The following ZNHIT6 variants were observed in gnomAD, a reference collection of about 807,000 sequenced individuals.
ZNHIT6 encodes the protein zinc finger HIT-type containing 6.
Under a neutral mutation model 57.2 loss-of-function variants are expected in ZNHIT6, and 45 were observed. That is an observed-to-expected ratio of 0.79 (90% confidence interval 0.62 to 1.01). The LOEUF is 1.01. Ranked by LOEUF, ZNHIT6 falls within the 50% of genes least tolerant of loss-of-function variation. ZNHIT6 has a pLI of 0.00. For missense variants in ZNHIT6, 528 were observed against 567.3 expected, an observed-to-expected ratio of 0.93 and a Z score of 0.70; for synonymous variants, 188 against 190.0, an observed-to-expected ratio of 0.99 and a Z score of 0.09.
At chr1:85,679,563 G>GTTTTTTTTTTTTTTTTTTTTTTTTTTTT (rs35523771) in intron 6 of ZNHIT6, among the ~76,000 whole-genome samples, 1 of 135,274 alleles carries the variant, frequency 7.4e-6, no homozygotes, top group Non-Finnish European at 1.5e-5. Context: ...ACATTAAAAT[G>GTTTTTTTTTTTTTTTTTTTTTTTTTTTT]TTTTTTTTTT....
rs542566139 is a variant in ZNHIT6, at chr1:85,675,092, A to T, written c.1247+2144T>A. On this transcript the variant is annotated intron_variant, in intron 8 of 9. Transcript: ENST00000370574. ...GCTGCAGTAATGCCCGTAAGATGTT[A>T]TGTCCCCAAAGGGAGCAGTTAAGGA... Among the ~76,000 whole-genome samples, 7 of 152,304 alleles carry T rather than the reference A, an allele frequency of 4.6e-5. No homozygotes were observed. In the East Asian group the frequency reaches 1.4e-3, roughly 29 times the overall value.
chr1:85,680,895 CTG>C lies in ZNHIT6; in HGVS notation c.1027_1028del (p.Gln343ValfsTer15). ...ACTGGAGCTTCACATGCCAACAAAACTGTTGTTTTCTAAGAGAGAAAATAATC... is the reference window on the plus strand; with the variant it reads ...ACTGGAGCTTCACATGCCAACAAAACTTGTTTTCTAAGAGAGAAAATAATC... ...NSTFFDKKKQ[Q>X]FCWHVKLQFP... On this transcript the variant is annotated frameshift_variant, in exon 6 of 10. Transcript: ENST00000370574. LOFTEE classifies it high-confidence loss of function. 6.2e-7 allele frequency: 1 copy of C among 1,611,778 alleles called. No individual in the cohort carries two copies. The highest frequency in any genetic ancestry group is 8.5e-7 in the Non-Finnish European group (1 of 1,178,900).
At chr1:85,699,443 C>G (rs1764295) in intron 5 of ZNHIT6, among the ~76,000 whole-genome samples, 137,752 of 152,106 alleles carry the variant, frequency 0.91, 63,015 homozygotes, top group Non-Finnish European at 0.97. Context: ...TAAATCAGTG[C>G]TTTTCAAATG....
At chr1:85,665,722 A>C (rs913182101) in intron 8 of ZNHIT6, among the ~76,000 whole-genome samples, 2 of 152,204 alleles carry the variant, frequency 1.3e-5, no homozygotes, top group African/African-American at 4.8e-5. Context: ...GCTAAAACTG[A>C]ATGCAAGTGT....
intron 4 of ZNHIT6, among the ~76,000 whole-genome samples, chr1:85,702,817 T>C (rs987672710): frequency 1.3e-5 from 2 of 152,184 alleles, no homozygotes; most frequent in Non-Finnish European, 2.9e-5. Context: ...GGCTCTGACA[T>C]GTGTTATTAC....
intron 8 of ZNHIT6, among the ~76,000 whole-genome samples, chr1:85,669,060 A>T (rs1478459888): frequency 6.6e-6 from 1 of 152,190 alleles, no homozygotes; most frequent in Non-Finnish European, 1.5e-5. Context: ...AGTGGTTTGG[A>T]AATCAACATT....
At chr1:85,663,572 G>A (rs1330071434) in intron 8 of ZNHIT6, among the ~76,000 whole-genome samples, 1 of 152,176 alleles carries the variant, frequency 6.6e-6, no homozygotes, top group Non-Finnish European at 1.5e-5. Context: ...GGTAATGGAA[G>A]TTCATAGAAA....
chr1:85,707,695 G>A lies in ZNHIT6; in HGVS notation c.590C>T (p.Thr197Ile), dbSNP rs981938176. 6 of 1,604,368 alleles carry A rather than the reference G, an allele frequency of 3.7e-6. No homozygotes were observed. Among genetic ancestry groups the A allele is most frequent in the Non-Finnish European group, 4.3e-6 (5 of 1,175,944 alleles). ...TATCGGAGGCTCTTCTTTCACCTTT[G>A]TATCATCCACGATTTCTTTCTTCAG... ...DFLKKEIVDD[T>I]KVKEEPPINH... Residue 197 changes from threonine to isoleucine, a missense_variant, in exon 1 of 10, where the codon ACA becomes ATA. Physicochemically the swap from Thr to Ile is moderately conservative, Grantham distance 89. Coordinates refer to ENST00000370574, the MANE Select transcript of ZNHIT6 (RefSeq NM_017953.4).
At chr1:85,702,621 G>A (rs1662569480) in intron 4 of ZNHIT6, among the ~76,000 whole-genome samples, 1 of 152,112 alleles carries the variant, frequency 6.6e-6, no homozygotes, top group Non-Finnish European at 1.5e-5. Context: ...TGGCAATCAC[G>A]GGGGCTACCT....
At position 85,706,094 on chromosome 1, in the gene ZNHIT6, G is replaced by C. The variant is rs762781538; in HGVS notation, c.899C>G (p.Pro300Arg). 8 of 1,612,446 alleles carry C rather than the reference G, an allele frequency of 5.0e-6. No homozygotes were observed. In the East Asian group the frequency reaches 1.8e-4, roughly 36 times the overall value. The change falls in exon 4 of 10, where the codon CCA becomes CGA. Residue 300 changes from proline to arginine, a missense_variant. Transcript: ENST00000370574. ...AAATCTTACATATTTATTGCTTATT[G>C]GTCTCTTCAAAAAAGCATCTCTAGA... ...HISRDAFLKR[P>R]ISNKYMYFMK...
chr1:85,680,880 C>T lies in ZNHIT6; in HGVS notation c.1044G>A (p.Val348=), dbSNP rs1484049145. The change falls in exon 6 of 10, where the codon GTG becomes GTA. Residue 348 remains valine, a synonymous_variant. Coordinates refer to ENST00000370574, the MANE Select transcript of ZNHIT6 (RefSeq NM_017953.4). ...CTTGACTTTGAGGAAACTGGAGCTT[C>T]ACATGCCAACAAAACTGTTGTTTTC... ...DKKKQQFCWH[V]KLQFPQSQAE... is the part of the protein sequence containing the mutation. The T allele has an allele frequency of 4.3e-6, 7 of 1,612,426 alleles. No homozygotes were observed. The highest frequency in any genetic ancestry group is 5.9e-6 in the Non-Finnish European group (7 of 1,179,332).
chr1:85,679,758 T>C (rs1661817182), intron 6 of ZNHIT6, among the ~76,000 whole-genome samples: 1 of 152,040 alleles, frequency 6.6e-6, no homozygotes, highest in Non-Finnish European at 1.5e-5. Flanking sequence ...CTAATTTTTG[T>C]ATTTTTAGTA....
At chr1:85,672,754 G>T (rs548039159) in intron 8 of ZNHIT6, among the ~76,000 whole-genome samples, 66 of 138,880 alleles carry the variant, frequency 4.8e-4, no homozygotes, top group African/African-American at 1.5e-3. Flanking sequence ...GGTTTTTTTT[G>T]AATAAATTTG....
intron 8 of ZNHIT6, among the ~76,000 whole-genome samples, chr1:85,664,088 T>C (rs1050775035): frequency 7.2e-5 from 11 of 152,214 alleles, no homozygotes; most frequent in African/African-American, 2.7e-4. Flanking sequence ...AATTTGACTG[T>C]TAACCTATCT....
At chr1:85,676,330 C>T (rs1241455102) in intron 8 of ZNHIT6, among the ~76,000 whole-genome samples, 8 of 147,410 alleles carry the variant, frequency 5.4e-5, no homozygotes, top group African/African-American at 2.0e-4. Flanking sequence ...GAGTGAAACT[C>T]CGTCTCAAAA....
chr1:85,694,775 T>C (rs1196117160), intron 5 of ZNHIT6, among the ~76,000 whole-genome samples: 1 of 152,110 alleles, frequency 6.6e-6, no homozygotes, highest in East Asian at 1.9e-4. Flanking sequence ...TTTTTCATAA[T>C]AAAATATGGG....
chr1:85,683,312 A>T (rs1430331673), intron 5 of ZNHIT6, among the ~76,000 whole-genome samples: 1 of 152,170 alleles, frequency 6.6e-6, no homozygotes. Flanking sequence ...AGGTCAGGAG[A>T]TCGAGACCAT....
chr1:85,702,656 G>A (rs1039412320), intron 4 of ZNHIT6, among the ~76,000 whole-genome samples: 3 of 152,098 alleles, frequency 2.0e-5, no homozygotes, highest in African/African-American at 4.8e-5. Context: ...TTCTTTTACC[G>A]ATGGTTTTAC....
intron 5 of ZNHIT6, among the ~76,000 whole-genome samples, chr1:85,685,377 T>C (rs963928173): frequency 9.9e-5 from 15 of 152,176 alleles, no homozygotes; most frequent in African/African-American, 3.6e-4. Flanking sequence ...GAACTTTATG[T>C]ACTGATGTAG....
Sources: allele counts gnomAD v4.1 joint callset (sites outside exome capture counted in the v4.1 genomes callset), GRCh38; gene constraint gnomAD v4.1.1; transcripts MANE v1.5; gene names NCBI Gene and HGNC (gene_info 2026-07-23, HGNC 2026-07-21).